The following MUSK variants were observed in gnomAD, a reference collection of about 807,000 sequenced individuals.
MUSK encodes the protein muscle associated receptor tyrosine kinase.
A neutral mutation model predicts 88.7 loss-of-function variants in MUSK; 55 were observed. The ratio of observed to expected loss-of-function variants is 0.62; its 90% CI spans 0.50 to 0.78. MUSK has a LOEUF of 0.78. Ranked by LOEUF, MUSK falls within the 30% of genes least tolerant of loss-of-function variation. The pLI is 0.00. For missense variants in MUSK, 1,015 were observed against 1,074.3 expected, an observed-to-expected ratio of 0.94 and a Z score of 0.77; for synonymous variants, 387 against 391.9, an observed-to-expected ratio of 0.99 and a Z score of 0.15.
At chr9:110,722,170 A>G (rs2076821569) in intron 5 of MUSK, among the ~76,000 whole-genome samples, 1 of 152,194 alleles carries the variant, frequency 6.6e-6, no homozygotes, top group Non-Finnish European at 1.5e-5. Flanking sequence ...ACTCTTCTAG[A>G]CATTGGCTTA....
At chr9:110,799,493 C>G (rs1467670907) in intron 14 of MUSK, among the ~76,000 whole-genome samples, 1 of 152,208 alleles carries the variant, frequency 6.6e-6, no homozygotes, top group African/African-American at 2.4e-5. Context: ...ATCTAAGACA[C>G]TTGAATTGTA....
intron 3 of MUSK, among the ~76,000 whole-genome samples, chr9:110,693,861 C>T (rs1453380783): frequency 6.6e-6 from 1 of 152,064 alleles, no homozygotes. Flanking sequence ...ATATCAAGTG[C>T]TCAGCTAAGT....
chr9:110,688,355 T>A (rs1244314615), intron 3 of MUSK, among the ~76,000 whole-genome samples: 1 of 151,246 alleles, frequency 6.6e-6, no homozygotes, highest in Admixed American at 6.6e-5. Flanking sequence ...GATGTTTGTC[T>A]TTTTTTTTCA....
chr9:110,695,080 T>C (rs1376048256), intron 3 of MUSK, among the ~76,000 whole-genome samples: 2 of 152,194 alleles, frequency 1.3e-5, no homozygotes, highest in Admixed American at 1.3e-4. Context: ...TGAATTGCTA[T>C]GGTGACAGTC....
At chr9:110,691,018 C>T (rs2076348514) in intron 3 of MUSK, among the ~76,000 whole-genome samples, 1 of 151,376 alleles carries the variant, frequency 6.6e-6, no homozygotes, top group Non-Finnish European at 1.5e-5. Context: ...GCATGTGCCA[C>T]CGGACCCTGC....
chr9:110,746,944 A>G (rs1204634363), intron 6 of MUSK, among the ~76,000 whole-genome samples: 1 of 152,144 alleles, frequency 6.6e-6, no homozygotes, highest in Non-Finnish European at 1.5e-5. Flanking sequence ...TAAGTCTGCA[A>G]CCTCTCATAC....
chr9:110,721,954 C>T (rs112246556), intron 5 of MUSK, among the ~76,000 whole-genome samples: 5 of 151,970 alleles, frequency 3.3e-5, no homozygotes, highest in Non-Finnish European at 5.9e-5. Flanking sequence ...TACAGTTAAC[C>T]GATCTTTGAC....
intron 6 of MUSK, among the ~76,000 whole-genome samples, chr9:110,740,582 G>T (rs1335308871): frequency 1.3e-5 from 2 of 151,976 alleles, no homozygotes; most frequent in South Asian, 2.1e-4. Context: ...AAATACTCTG[G>T]AGCAAAATAA....
intron 7 of MUSK, among the ~76,000 whole-genome samples, chr9:110,749,021 T>C (rs1267834331): frequency 6.6e-6 from 1 of 152,050 alleles, no homozygotes. Context: ...CAACTCAATT[T>C]AACAAATAAT....
intron 1 of MUSK, among the ~76,000 whole-genome samples, chr9:110,672,554 G>C (rs3001131): frequency 2.0e-5 from 3 of 151,860 alleles, no homozygotes; most frequent in African/African-American, 7.3e-5. Flanking sequence ...ATATGGCAGC[G>C]TACCATGAGA....
chr9:110,724,674 C>A (rs546292019), intron 5 of MUSK, among the ~76,000 whole-genome samples: 7 of 152,052 alleles, frequency 4.6e-5, no homozygotes, highest in African/African-American at 1.7e-4. Flanking sequence ...TGTCTACTTT[C>A]TTATACACTG....
chr9:110,760,191 C>T (rs998754227), intron 7 of MUSK, among the ~76,000 whole-genome samples: 1 of 152,074 alleles, frequency 6.6e-6, no homozygotes, highest in South Asian at 2.1e-4. Context: ...ACCATTCGAC[C>T]CAGCAATTCC....
chr9:110,790,937 C>G (rs926817825), intron 14 of MUSK, among the ~76,000 whole-genome samples: 18 of 152,062 alleles, frequency 1.2e-4, no homozygotes, highest in African/African-American at 4.3e-4. Context: ...TTTTGCCACA[C>G]AAGTAAGTTG....
chr9:110,782,908 C>T (rs148396325), intron 11 of MUSK, among the ~76,000 whole-genome samples: 1 of 152,164 alleles, frequency 6.6e-6, no homozygotes, highest in Non-Finnish European at 1.5e-5. Flanking sequence ...GTTCCAGGTG[C>T]CTGCCTGAGT....
chr9:110,735,710 G>T (rs766200947), intron 6 of MUSK, among the ~76,000 whole-genome samples: 6 of 152,090 alleles, frequency 3.9e-5, no homozygotes, highest in Non-Finnish European at 8.8e-5. Flanking sequence ...AGGTTTAATT[G>T]GCTCATGGTT....
chr9:110,783,727 T>C (rs981331831), intron 11 of MUSK, among the ~76,000 whole-genome samples: 11 of 151,992 alleles, frequency 7.2e-5, no homozygotes, highest in Non-Finnish European at 1.5e-4. Context: ...ATCTTTTGTT[T>C]TCTGTAGTTA....
At chr9:110,679,957 A>G (rs894871174) in intron 1 of MUSK, among the ~76,000 whole-genome samples, 2 of 152,096 alleles carry the variant, frequency 1.3e-5, no homozygotes, top group African/African-American at 4.8e-5. Flanking sequence ...TTAATATTCC[A>G]TAGTGTGTTA....
intron 14 of MUSK, among the ~76,000 whole-genome samples, chr9:110,798,091 T>G (rs2078038857): frequency 6.6e-6 from 1 of 152,244 alleles, no homozygotes; most frequent in Admixed American, 6.5e-5. Context: ...CAGGTTCTAT[T>G]TTTTATCAAG....
intron 7 of MUSK, among the ~76,000 whole-genome samples, chr9:110,755,934 A>G (rs191495501): frequency 0.015 from 1,117 of 73,504 alleles, 26 homozygotes; most frequent in African/African-American, 0.055. Flanking sequence ...ATATATATAC[A>G]TATATATATA....
Sources: allele counts gnomAD v4.1 joint callset (sites outside exome capture counted in the v4.1 genomes callset), GRCh38; gene constraint gnomAD v4.1.1; transcripts MANE v1.5; gene names NCBI Gene and HGNC (gene_info 2026-07-23, HGNC 2026-07-21).